DAPK1: variants seen among roughly 807,000 people sequenced by gnomAD.
The protein encoded by DAPK1 is death associated protein kinase 1, also known as death-associated protein kinase 1.
Under a neutral mutation model 144.9 loss-of-function variants are expected in DAPK1, and 56 were observed. That is an observed-to-expected ratio of 0.39 (90% CI 0.31 to 0.48). The LOEUF is 0.48. Among genes scored for constraint, DAPK1 ranks in the 20% least tolerant of loss-of-function variants. The probability of loss-of-function intolerance (pLI) is 0.95; values close to 1 mark genes in which losing one functional copy is unlikely to be tolerated. For synonymous variants in DAPK1, 690 were observed against 749.0 expected (o/e 0.92, Z 1.29); for missense variants, 1,454 against 1,875.4 (o/e 0.78, Z 4.15).
intron 2 of DAPK1, among the ~76,000 whole-genome samples, chr9:87,518,697 T>C (rs3739791): frequency 0.61 from 92,922 of 151,894 alleles, 28,756 homozygotes; most frequent in South Asian, 0.83. Flanking sequence ...TTTTTCCTTA[T>C]TTCTCTGTAT....
chr9:87,703,107 C>A lies in DAPK1; in HGVS notation c.2950C>A (p.Gln984Lys). ...CTGGAGGAAGCTCAATGGACCCAAC[C>A]AGCTGATGTCGCTGCAGCAGTTTGT... is the stretch of plus-strand genomic sequence containing the variant. Reference protein sequence around the residue: ...PSWRKLNGPNQLMSLQQFVYD... With the variant: ...PSWRKLNGPNKLMSLQQFVYD... Residue 984 changes from glutamine (Q) to lysine (K), a missense_variant, in exon 25 of 26, where the codon CAG becomes AAG. Gln to Lys is a moderately conservative substitution (Grantham distance 53, BLOSUM62 1). Transcript: ENST00000408954. The A allele has an allele frequency of 6.2e-7, 1 of 1,601,260 alleles. No individual in the cohort carries two copies. Among genetic ancestry groups the A allele is most frequent in the African/African-American group, 1.3e-5 (1 of 74,756 alleles).
chr9:87,701,081 C>G (rs532891011), intron 24 of DAPK1, among the ~76,000 whole-genome samples: 1 of 152,158 alleles, frequency 6.6e-6, no homozygotes, highest in African/African-American at 2.4e-5. Context: ...TATTATAAAG[C>G]CCCTGATAAT....
chr9:87,503,933 A>G (rs1212671360), intron 2 of DAPK1, among the ~76,000 whole-genome samples: 1 of 152,224 alleles, frequency 6.6e-6, no homozygotes, highest in East Asian at 1.9e-4. Flanking sequence ...CCCTTTCGGC[A>G]TAAAATCCAT....
At chr9:87,680,095 T>C (rs886492613) in intron 19 of DAPK1, among the ~76,000 whole-genome samples, 5 of 151,472 alleles carry the variant, frequency 3.3e-5, no homozygotes, top group Non-Finnish European at 7.4e-5. Context: ...AAAATTTATT[T>C]ATTTATTTAT....
intron 2 of DAPK1, among the ~76,000 whole-genome samples, chr9:87,598,229 G>C (rs149636134): frequency 6.6e-6 from 1 of 152,076 alleles, no homozygotes; most frequent in African/African-American, 2.4e-5. Flanking sequence ...CACTAAAACC[G>C]AGCCAGGGAT....
At chr9:87,632,378 A>T (rs1587790439) in intron 3 of DAPK1, 2 of 984,148 alleles carry the variant, frequency 2.0e-6, no homozygotes, top group East Asian at 2.3e-4. Flanking sequence ...ATGAGTGCAT[A>T]TGTAGAAATG....
At chr9:87,558,234 C>T (rs912654408) in intron 2 of DAPK1, among the ~76,000 whole-genome samples, 2 of 152,104 alleles carry the variant, frequency 1.3e-5, no homozygotes, top group African/African-American at 4.8e-5. Context: ...CATGTTACTG[C>T]ACAGTGGGTA....
chr9:87,586,956 A>G (rs1346719777), intron 2 of DAPK1, among the ~76,000 whole-genome samples: 1 of 152,248 alleles, frequency 6.6e-6, no homozygotes, highest in Non-Finnish European at 1.5e-5. Flanking sequence ...TGAGTAAATC[A>G]ATTTCACCCA....
At chr9:87,630,533 AAG>A (rs1176187318) in intron 3 of DAPK1, among the ~76,000 whole-genome samples, 3 of 152,128 alleles carry the variant, frequency 2.0e-5, no homozygotes, top group Admixed American at 6.5e-5. Flanking sequence ...CTGGTGGCCA[AAG>A]AGAGAGATGA....
At chr9:87,501,538 C>A (rs7849104) in intron 2 of DAPK1, among the ~76,000 whole-genome samples, 8,085 of 151,240 alleles carry the variant, frequency 0.053, 700 homozygotes, top group African/African-American at 0.18. Flanking sequence ...CAGCGAGACT[C>A]TGTCTCAAAA....
At chr9:87,606,718 T>TCTCTCTCCCTCCCTCC (rs1828739266) in intron 3 of DAPK1, among the ~76,000 whole-genome samples, 1 of 76,956 alleles carries the variant, frequency 1.3e-5, no homozygotes, top group Non-Finnish European at 2.4e-5. Flanking sequence ...TTCCTCCCTC[T>TCTCTCTCCCTCCCTCC]CTCTCTCCCT....
intron 2 of DAPK1, among the ~76,000 whole-genome samples, chr9:87,541,579 A>T (rs953745437): frequency 6.6e-6 from 1 of 151,146 alleles, no homozygotes; most frequent in Non-Finnish European, 1.5e-5. Flanking sequence ...ATGGAGAAAG[A>T]CTTTATAGGC....
At chr9:87,525,962 T>G (rs1825491678) in intron 2 of DAPK1, among the ~76,000 whole-genome samples, 1 of 152,126 alleles carries the variant, frequency 6.6e-6, no homozygotes. Flanking sequence ...AAATTTTTGT[T>G]GGGTTTTGCT....
intron 19 of DAPK1, among the ~76,000 whole-genome samples, chr9:87,670,363 G>T (rs547499739): frequency 2.0e-5 from 3 of 152,258 alleles, no homozygotes; most frequent in Admixed American, 2.0e-4. Context: ...AGCATCCATT[G>T]ATAGTGAAAG....
intron 2 of DAPK1, among the ~76,000 whole-genome samples, chr9:87,550,075 T>C (rs1826420195): frequency 6.6e-6 from 1 of 152,220 alleles, no homozygotes; most frequent in African/African-American, 2.4e-5. Flanking sequence ...GCACGTCCTT[T>C]GATGAGGTTT....
chr9:87,530,728 GTGACAT>G (rs2118351931), intron 2 of DAPK1, among the ~76,000 whole-genome samples: 1 of 152,282 alleles, frequency 6.6e-6, no homozygotes, highest in African/African-American at 2.4e-5. Context: ...ATTTCCCTTT[GTGACAT>G]TGGGGTTTCA....
chr9:87,699,771 CT>C (rs1587854423), intron 23 of DAPK1, among the ~76,000 whole-genome samples: 5 of 152,226 alleles, frequency 3.3e-5, no homozygotes, highest in Admixed American at 3.3e-4. Flanking sequence ...AGTCCCTCCA[CT>C]TTCCACAGTA....
intron 2 of DAPK1, among the ~76,000 whole-genome samples, chr9:87,542,638 A>G (rs1375593322): frequency 6.6e-6 from 1 of 152,220 alleles, no homozygotes; most frequent in African/African-American, 2.4e-5. Context: ...AAGGCTCACC[A>G]AACCCTCTGA....
Position 87,681,463 on chromosome 9 carries a change from A to G in DAPK1, c.2061A>G (p.Arg687=). ...QLRPTQNLQP[R]IKLKLFGHSG... ...GACCCACACAGAACCTGCAGCCAAG[A>G]ATTAAGCTCAAGCTGTTTGGCCACT... Residue 687 remains arginine, a synonymous_variant, in exon 20 of 26, where the codon AGA becomes AGG. Coordinates refer to ENST00000408954, the MANE Select transcript of DAPK1 (RefSeq NM_004938.4). The G allele has an allele frequency of 6.2e-7, 1 of 1,613,678 alleles. No homozygotes were observed. The highest frequency in any genetic ancestry group is 1.1e-5 in the South Asian group (1 of 91,046).
Sources: allele counts gnomAD v4.1 joint callset (sites outside exome capture counted in the v4.1 genomes callset), GRCh38; gene constraint gnomAD v4.1.1; transcripts MANE v1.5; gene names NCBI Gene and HGNC (gene_info 2026-07-23, HGNC 2026-07-21).